Variants in ZFAT observed in about 807,000 individuals in gnomAD.
ZFAT encodes zinc finger and AT-hook domain containing, also known as zinc finger protein ZFAT.
A neutral mutation model predicts 117.7 loss-of-function variants in ZFAT; 64 were observed. That is an observed-to-expected ratio of 0.54 (90% confidence interval 0.44 to 0.67). ZFAT has a LOEUF of 0.67. Among genes scored for constraint, ZFAT ranks in the 30% least tolerant of loss-of-function variants. The pLI is 0.00. For missense variants in ZFAT, 1,433 were observed against 1,584.5 expected (o/e 0.90, Z 1.62); for synonymous variants, 679 against 615.0 (o/e 1.10, Z -1.54).
the ZFAT span, among the ~76,000 whole-genome samples, chr8:134,820,722 T>C: frequency 1.3e-5 from 2 of 152,200 alleles, no homozygotes; most frequent in East Asian, 3.8e-4. Context: ...TGGTCAAACC[T>C]GATGTCAACA....
At chr8:134,635,067 G>A (rs1209897343) in intron 3 of ZFAT, among the ~76,000 whole-genome samples, 1 of 152,188 alleles carries the variant, frequency 6.6e-6, no homozygotes, top group Non-Finnish European at 1.5e-5. Context: ...GCAGAGCTCA[G>A]GTGGTAATGC....
intron 3 of ZFAT, among the ~76,000 whole-genome samples, chr8:134,619,578 C>T (rs541207989): frequency 3.7e-4 from 56 of 152,296 alleles, no homozygotes; most frequent in African/African-American, 1.3e-3. Flanking sequence ...TTCAGTAAGG[C>T]CTGGCAGGAT....
the ZFAT span, among the ~76,000 whole-genome samples, chr8:134,811,178 G>A: frequency 1.3e-5 from 2 of 152,102 alleles, no homozygotes; most frequent in African/African-American, 2.4e-5. Context: ...TTCCCTAAAC[G>A]TTTCAAAAGA....
the ZFAT span, among the ~76,000 whole-genome samples, chr8:134,831,870 C>G: frequency 6.6e-6 from 1 of 152,052 alleles, no homozygotes; most frequent in Non-Finnish European, 1.5e-5. Flanking sequence ...CGACGCCCCC[C>G]AGAGGCCGTG....
At chr8:134,725,425 A>T in the ZFAT span, among the ~76,000 whole-genome samples, 4 of 152,176 alleles carry the variant, frequency 2.6e-5, no homozygotes, top group African/African-American at 9.7e-5. Context: ...CAATCATGGC[A>T]GGAGATGAAG....
At chr8:134,703,273 C>T (rs887752629) in intron 1 of ZFAT, among the ~76,000 whole-genome samples, 6 of 152,196 alleles carry the variant, frequency 3.9e-5, no homozygotes, top group Non-Finnish European at 8.8e-5. Context: ...TCTTTTCATA[C>T]ATTTATTGAC....
the ZFAT span, among the ~76,000 whole-genome samples, chr8:134,818,793 A>G: frequency 6.6e-6 from 1 of 152,244 alleles, no homozygotes; most frequent in Non-Finnish European, 1.5e-5. Flanking sequence ...GGTGCATGGT[A>G]CAACACGGAT....
chr8:134,820,343 C>A, the ZFAT span, among the ~76,000 whole-genome samples: 1 of 152,202 alleles, frequency 6.6e-6, no homozygotes, highest in African/African-American at 2.4e-5. Flanking sequence ...TCCTTTTCCT[C>A]AACTCCCAAT....
chr8:134,784,634 T>C, the ZFAT span: 1 of 152,168 alleles, frequency 6.6e-6, no homozygotes, highest in Non-Finnish European at 1.5e-5. Context: ...TTTTCTGCCA[T>C]TTCATATAAA....
intron 1 of ZFAT, among the ~76,000 whole-genome samples, chr8:134,688,991 C>T (rs2131322458): frequency 6.6e-6 from 1 of 152,286 alleles, no homozygotes; most frequent in Non-Finnish European, 1.5e-5. Context: ...GAAGGTGCTG[C>T]CTGCCCTTTT....
chr8:134,507,264 C>T (rs7000975), intron 15 of ZFAT, among the ~76,000 whole-genome samples: 1 of 152,026 alleles, frequency 6.6e-6, no homozygotes, highest in Non-Finnish European at 1.5e-5. Context: ...TTAAACTATA[C>T]GACAATGGAA....
intron 11 of ZFAT, among the ~76,000 whole-genome samples, chr8:134,557,569 A>G (rs1343268374): frequency 1.3e-5 from 2 of 152,268 alleles, no homozygotes; most frequent in Non-Finnish European, 2.9e-5. Flanking sequence ...AACTCTCTGT[A>G]CTATAGTCAC....
chr8:134,548,124 A>G (rs1822837490), intron 11 of ZFAT, among the ~76,000 whole-genome samples: 1 of 152,212 alleles, frequency 6.6e-6, no homozygotes, highest in Admixed American at 6.5e-5. Context: ...ATCACAGTAA[A>G]TTTCTACAGA....
chr8:134,701,620 T>A (rs985675363), intron 1 of ZFAT, among the ~76,000 whole-genome samples: 1 of 152,230 alleles, frequency 6.6e-6, no homozygotes, highest in Admixed American at 6.5e-5. Context: ...GTTTTTACAT[T>A]CCAACAAACA....
intron 3 of ZFAT, among the ~76,000 whole-genome samples, chr8:134,612,001 T>C (rs1828370517): frequency 6.6e-6 from 1 of 152,224 alleles, no homozygotes; most frequent in African/African-American, 2.4e-5. Flanking sequence ...AGGAGCCACC[T>C]CTTGAATGCA....
At chr8:134,796,868 T>C in the ZFAT span, 1 of 152,246 alleles carries the variant, frequency 6.6e-6, no homozygotes, top group Admixed American at 6.5e-5. Flanking sequence ...TTAATTTCTA[T>C]ATGTTAAAAG....
At chr8:134,677,486 G>A (rs1586937604) in intron 1 of ZFAT, among the ~76,000 whole-genome samples, 2 of 152,134 alleles carry the variant, frequency 1.3e-5, no homozygotes, top group East Asian at 3.8e-4. Context: ...AGGACCAGAT[G>A]GATTTACAGC....
chr8:134,520,887 C>A lies in ZFAT; in HGVS notation c.3230G>T (p.Trp1077Leu). 1 of 1,613,284 alleles carries A rather than the reference C, an allele frequency of 6.2e-7. No individual in the cohort carries two copies. The highest frequency in any genetic ancestry group is 8.5e-7 in the Non-Finnish European group (1 of 1,179,416). ...TACCATACTTAAAAAAATTACCTCC[C>A]ACTTGGGGTCTCCATCAATTTCCAC... ...KVVEIDGDPK[W>L]ETATEAPEEP... The change falls in exon 13 of 16, where the codon TGG (tryptophan) becomes TTG (leucine). Residue 1077 changes from tryptophan to leucine, a missense_variant. By Grantham distance (61) the Trp-to-Leu change is moderately conservative. Coordinates refer to ENST00000377838, the MANE Select transcript of ZFAT (RefSeq NM_020863.4).
At chr8:134,724,262 G>C in the ZFAT span, among the ~76,000 whole-genome samples, 1 of 152,204 alleles carries the variant, frequency 6.6e-6, no homozygotes, top group Non-Finnish European at 1.5e-5. Flanking sequence ...GAGAGGCAGG[G>C]AGATGCAGTG....
Sources: allele counts gnomAD v4.1 joint callset (sites outside exome capture counted in the v4.1 genomes callset), GRCh38; gene constraint gnomAD v4.1.1; transcripts MANE v1.5; gene names NCBI Gene and HGNC (gene_info 2026-07-23, HGNC 2026-07-21).